The following PAH variants were observed in gnomAD, a reference collection of about 807,000 sequenced individuals.
PAH encodes phenylalanine hydroxylase, also known as phenylalanine-4-hydroxylase.
Under a neutral mutation model 62.0 loss-of-function variants are expected in PAH, and 64 were observed. The ratio of observed to expected loss-of-function variants is 1.03; its 90% confidence interval spans 0.84 to 1.27. The LOEUF (loss-of-function observed/expected upper bound fraction) is 1.27. Among genes scored for constraint, PAH ranks in the 50% most tolerant of loss-of-function variants. PAH has a pLI of 0.00. For synonymous variants in PAH, 195 were observed against 196.2 expected, an observed-to-expected ratio of 0.99 and a Z score of 0.05; for missense variants, 579 against 542.8, an observed-to-expected ratio of 1.07 and a Z score of -0.66.
At chr12:102,889,545 T>C (rs12307663) in intron 3 of PAH, among the ~76,000 whole-genome samples, 2 of 123,526 alleles carry the variant, frequency 1.6e-5, no homozygotes, top group South Asian at 2.5e-4. Flanking sequence ...GATAGATAGA[T>C]AGACAGATAG....
At chr12:102,865,170 T>A (rs530008873) in intron 5 of PAH, among the ~76,000 whole-genome samples, 1 of 152,144 alleles carries the variant, frequency 6.6e-6, no homozygotes, top group East Asian at 1.9e-4. Context: ...CACATTTCTA[T>A]GAGAAGGAGG....
chr12:102,908,829 T>G (rs1878087414), intron 2 of PAH, among the ~76,000 whole-genome samples: 1 of 149,348 alleles, frequency 6.7e-6, no homozygotes, highest in East Asian at 2.0e-4. Context: ...CATTTAGTCC[T>G]CATGTCTCTT....
chr12:102,897,710 CCCTAATTGTAGAACCAAATT>C, intron 2 of PAH, among the ~76,000 whole-genome samples: 1 of 152,176 alleles, frequency 6.6e-6, no homozygotes, highest in African/African-American at 2.4e-5. Flanking sequence ...TCTCAAATGT[CCCTAATTGTAGAACCAAATT>C]CCTTGGACTC....
intron 3 of PAH, among the ~76,000 whole-genome samples, 196 bp downstream of exon 3, chr12:102,894,539 T>C (rs1877414074): frequency 6.6e-6 from 1 of 152,030 alleles, no homozygotes; most frequent in South Asian, 2.1e-4. Context: ...CCAACCTATG[T>C]CCACTCATTT....
At chr12:102,952,204 C>T (rs1019040670), upstream of PAH, among the ~76,000 whole-genome samples, 1 of 152,132 alleles carries the variant, frequency 6.6e-6, no homozygotes, top group Non-Finnish European at 1.5e-5. Flanking sequence ...ATGGACTCCA[C>T]GCTTCTTTTC....
chr12:102,864,569 A>C (rs1270479055), intron 5 of PAH, among the ~76,000 whole-genome samples: 1 of 152,168 alleles, frequency 6.6e-6, no homozygotes, highest in Non-Finnish European at 1.5e-5. Flanking sequence ...AAAAATGTTA[A>C]AAATGTGACA....
exon 1 of PAH, chr12:102,958,210 G>T: frequency 6.9e-7 from 1 of 1,441,250 alleles, no homozygotes; most frequent in Non-Finnish European, 9.1e-7. Context: ...GTCCCGGATC[G>T]CTCTGATTCC....
chr12:102,949,231 T>C (rs1241329212), intron 1 of PAH, among the ~76,000 whole-genome samples: 1 of 152,170 alleles, frequency 6.6e-6, no homozygotes. Flanking sequence ...AGGGCTAAAG[T>C]CATGCTGACC....
rs76394784 is a variant in PAH at position 102,894,883 on chromosome 12, T to A, written c.204A>T (p.Arg68Ser). The A allele has an allele frequency of 7.4e-5, 119 of 1,613,714 alleles. No homozygotes were observed. Among genetic ancestry groups the A allele is most frequent in the Admixed American group, 1.5e-4 (9 of 59,976 alleles). ...ACTCATCTTTCTTTAAACGAGAAGG[T>A]CTAGATTCAATGTGGGTCAGGTTTA... ...NDVNLTHIES[R>S]PSRLKKDEYE... is the part of the protein sequence containing the mutation. The change falls in exon 3 of 13, where the codon AGA (arginine) becomes AGT (serine). Residue 68 changes from arginine (R) to serine (S), a missense_variant. By Grantham distance (110) the Arg-to-Ser change is moderately radical (BLOSUM62 -1). Transcript: ENST00000553106.
In PAH at chr12:102,837,713, T is replaced by C. The variant is rs918633815; in HGVS notation, c.*1462A>G. 1.3e-4 allele frequency: 20 copies of C among 152,212 alleles called. No homozygotes were observed. Among genetic ancestry groups the C allele is most frequent in the African/African-American group, 4.8e-4 (20 of 41,464 alleles). The allele number at this position is 152,212 out of a possible 1,614,324, so 9.4% of individuals were successfully genotyped here. A position where few individuals can be genotyped will look rare whatever the true frequency, so the allele number is the denominator to read the frequency against. ...CTGCAATGGACCTTGGTTTATAAAG[T>C]TTAACTCCCTCATTGTTAGAGTGAC... On this transcript the variant is annotated 3_prime_UTR_variant, in exon 13 of 13. Coordinates refer to ENST00000553106, the MANE Select transcript of PAH (RefSeq NM_000277.3).
At chr12:102,881,340 A>T (rs955089175) in intron 3 of PAH, among the ~76,000 whole-genome samples, 4 of 151,230 alleles carry the variant, frequency 2.6e-5, no homozygotes, top group African/African-American at 9.7e-5. Flanking sequence ...TAACACATAT[A>T]TATTTATATT....
At chr12:102,887,853 C>T (rs563614712) in intron 3 of PAH, among the ~76,000 whole-genome samples, 38 of 152,258 alleles carry the variant, frequency 2.5e-4, no homozygotes, top group African/African-American at 8.7e-4. Context: ...TAGTGCATCA[C>T]GACAATACTC....
rs530630864 is a variant in PAH at position 102,858,358 on chromosome 12, C to T, written c.510-3026G>A. On this transcript the variant is annotated intron_variant, in intron 5 of 12. Coordinates refer to ENST00000553106, the MANE Select transcript of PAH (RefSeq NM_000277.3). ...TTAGAGACCTACAAAGAGACTTAGACTCCCACACAATAGTAATGAGAGCGT... is the reference window on the plus strand; with the variant it reads ...TTAGAGACCTACAAAGAGACTTAGATTCCCACACAATAGTAATGAGAGCGT... Among the ~76,000 whole-genome samples the T allele has an allele frequency of 2.0e-5, 3 of 152,322 alleles. No homozygotes were observed. The South Asian group carries it at 6.2e-4, about 32-fold the overall frequency.
chr12:102,947,410 AT>A (rs1227936753), intron 1 of PAH, among the ~76,000 whole-genome samples: 1 of 152,218 alleles, frequency 6.6e-6, no homozygotes, highest in African/African-American at 2.4e-5. Context: ...TCCATGGAAT[AT>A]TCCAGTAGCA....
chr12:102,895,567 C>A (rs1042873955), intron 2 of PAH, among the ~76,000 whole-genome samples: 1 of 152,180 alleles, frequency 6.6e-6, no homozygotes, highest in South Asian at 2.1e-4. Context: ...TTTATATAGG[C>A]CTGGCGCTGT....
At chr12:102,865,235 A>C (rs1174574234) in intron 5 of PAH, among the ~76,000 whole-genome samples, 2 of 152,176 alleles carry the variant, frequency 1.3e-5, no homozygotes, top group Admixed American at 1.3e-4. Context: ...GAAGTAAGTG[A>C]ATGTACTTTC....
intron 8 of PAH, among the ~76,000 whole-genome samples, chr12:102,850,392 G>C (rs1875092011): frequency 6.6e-6 from 1 of 152,086 alleles, no homozygotes; most frequent in South Asian, 2.1e-4. Flanking sequence ...TTGTTTGTTT[G>C]TTTCAAATAT....
intron 4 of PAH, among the ~76,000 whole-genome samples, chr12:102,867,950 CATATAT>C (rs1479908210): frequency 1.0e-5 from 1 of 95,910 alleles, no homozygotes; most frequent in Non-Finnish European, 2.3e-5. Context: ...CATGTATATA[CATATAT>C]AGATGTATAT....
At chr12:102,895,477 G>A (rs540076857) in intron 2 of PAH, among the ~76,000 whole-genome samples, 13 of 152,076 alleles carry the variant, frequency 8.5e-5, no homozygotes, top group African/African-American at 2.7e-4. Context: ...TGGGAGTGTT[G>A]GATGATATGA....
Sources: allele counts gnomAD v4.1 joint callset (sites outside exome capture counted in the v4.1 genomes callset), GRCh38; gene constraint gnomAD v4.1.1; transcripts MANE v1.5; gene names NCBI Gene and HGNC (gene_info 2026-07-23, HGNC 2026-07-21).